Variants in GPHN observed in about 807,000 individuals in gnomAD.
The protein encoded by GPHN is gephyrin.
In GPHN, 17 loss-of-function variants were observed where a neutral mutation model predicts 95.5. The ratio of observed to expected loss-of-function variants is 0.18; its 90% confidence interval spans 0.12 to 0.27. GPHN has a LOEUF of 0.27. Ranked by LOEUF, GPHN falls within the 10% of genes least tolerant of loss-of-function variation. GPHN has a pLI of 1.00. For missense variants in GPHN, 660 were observed against 978.1 expected (o/e 0.67, Z 4.34); for synonymous variants, 320 against 322.5 (o/e 0.99, Z 0.08).
At chr14:67,191,225 CTCCG>C in the GPHN span, among the ~76,000 whole-genome samples, 1 of 152,024 alleles carries the variant, frequency 6.6e-6, no homozygotes, top group South Asian at 2.1e-4. Flanking sequence ...TGGAGCGAGA[CTCCG>C]TCTCAAAAAA....
chr14:66,534,519 T>G (rs920162439), intron 1 of GPHN, among the ~76,000 whole-genome samples: 2 of 152,178 alleles, frequency 1.3e-5, no homozygotes, highest in African/African-American at 4.8e-5. Context: ...ACATTTGAAT[T>G]GTTTCTAATT....
chr14:66,640,381 C>G (rs1345554774), intron 1 of GPHN, among the ~76,000 whole-genome samples: 1 of 152,126 alleles, frequency 6.6e-6, no homozygotes, highest in Non-Finnish European at 1.5e-5. Flanking sequence ...AAGACTGCAC[C>G]ATTGCACTCC....
At chr14:66,999,486 CTTAT>C (rs2072071048) in intron 9 of GPHN, among the ~76,000 whole-genome samples, 1 of 151,650 alleles carries the variant, frequency 6.6e-6, no homozygotes, top group Non-Finnish European at 1.5e-5. Context: ...TTATTTTTCT[CTTAT>C]TTAGTCATTT....
At chr14:66,803,955 G>T (rs2060452131) in intron 3 of GPHN, among the ~76,000 whole-genome samples, 1 of 151,122 alleles carries the variant, frequency 6.6e-6, no homozygotes. Context: ...ATTAATCATA[G>T]TTTACTTGAA....
At chr14:67,062,680 A>AT (rs1222178966) in intron 11 of GPHN, among the ~76,000 whole-genome samples, 2 of 152,088 alleles carry the variant, frequency 1.3e-5, no homozygotes, top group Non-Finnish European at 2.9e-5. Flanking sequence ...TCAAATGAGC[A>AT]TTTTTTCTTG....
chr14:66,548,626 A>G (rs1432211981), intron 1 of GPHN, among the ~76,000 whole-genome samples: 4 of 152,182 alleles, frequency 2.6e-5, no homozygotes, highest in Non-Finnish European at 5.9e-5. Context: ...TGAGATACAA[A>G]ATATTCCCTG....
the GPHN span, chr14:67,656,379 C>T: frequency 6.6e-7 from 1 of 1,526,146 alleles, no homozygotes; most frequent in South Asian, 1.3e-5. Flanking sequence ...CCCTAATTAC[C>T]CCATACTTGC....
chr14:67,697,753 G>C, the GPHN span, among the ~76,000 whole-genome samples: 1 of 152,210 alleles, frequency 6.6e-6, no homozygotes, highest in Admixed American at 6.5e-5. Context: ...ACCAAAGGTT[G>C]AGGCAGACAA....
intron 3 of GPHN, 22 bp downstream of exon 3, chr14:66,776,543 C>G (rs760026967): frequency 1.4e-6 from 2 of 1,402,424 alleles, no homozygotes; most frequent in South Asian, 1.2e-5. Context: ...CATTTTTCAC[C>G]TCTACAAACA....
At chr14:67,164,232 C>A in intron 19 of GPHN, among the ~76,000 whole-genome samples, 1 of 129,976 alleles carries the variant, frequency 7.7e-6, no homozygotes, top group Non-Finnish European at 1.5e-5. Flanking sequence ...CACACCCTTG[C>A]ACGCTAGCCT....
chr14:67,524,396 G>A, the GPHN span, among the ~76,000 whole-genome samples: 1 of 152,172 alleles, frequency 6.6e-6, no homozygotes, highest in South Asian at 2.1e-4. Flanking sequence ...CAAAGGTCAG[G>A]TCATGAGGTC....
At chr14:66,678,683 A>G (rs2066758971) in intron 1 of GPHN, among the ~76,000 whole-genome samples, 2 of 151,972 alleles carry the variant, frequency 1.3e-5, no homozygotes, top group South Asian at 4.2e-4. Context: ...AACTGTGTAT[A>G]TGGTTAGCAA....
the GPHN span, chr14:67,583,670 C>A: frequency 8.4e-7 from 1 of 1,188,038 alleles, no homozygotes; most frequent in African/African-American, 1.5e-5. Flanking sequence ...TTTATTTCAC[C>A]TCTCAACAGC....
rs529206686 is a variant in GPHN at position 66,751,751 on chromosome 14, G to C, written c.144-24713G>C. ...TTGAAGACCCTAGTATTTTCAGAATGGTCAATGAGCATTGGCTTCAACTTA... is the reference window on the plus strand; with the variant it reads ...TTGAAGACCCTAGTATTTTCAGAATCGTCAATGAGCATTGGCTTCAACTTA... On this transcript the variant is annotated intron_variant, in intron 2 of 22. Transcript: ENST00000478722. Among the ~76,000 whole-genome samples the C allele has an allele frequency of 3.3e-5, 5 of 152,160 alleles. No homozygotes were observed. In the South Asian group the frequency reaches 1.0e-3, roughly 32 times the overall value.
At chr14:66,776,961 T>C (rs1595870997) in intron 3 of GPHN, among the ~76,000 whole-genome samples, 1 of 152,232 alleles carries the variant, frequency 6.6e-6, no homozygotes, top group African/African-American at 2.4e-5. Context: ...TATGTATACA[T>C]GTGACATGCT....
At chr14:67,323,261 G>GTATATATA in the GPHN span, among the ~76,000 whole-genome samples, 1,674 of 124,120 alleles carry the variant, frequency 0.013, 33 homozygotes, top group African/African-American at 0.036. Flanking sequence ...GTGTGTGTGT[G>GTATATATA]TATATATATA....
the GPHN span, among the ~76,000 whole-genome samples, chr14:67,244,988 A>G: frequency 6.6e-6 from 1 of 152,224 alleles, no homozygotes; most frequent in South Asian, 2.1e-4. Flanking sequence ...ACAATTGGTC[A>G]GAGAAGTGCA....
At chr14:66,694,334 A>C (rs1371075805) in intron 2 of GPHN, among the ~76,000 whole-genome samples, 1 of 152,232 alleles carries the variant, frequency 6.6e-6, no homozygotes, top group Non-Finnish European at 1.5e-5. Context: ...CCAGACCTGC[A>C]GAACAGTGAG....
At chr14:66,982,752 A>G (rs1052601648) in intron 9 of GPHN, among the ~76,000 whole-genome samples, 3 of 152,212 alleles carry the variant, frequency 2.0e-5, no homozygotes, top group Non-Finnish European at 4.4e-5. Context: ...CAATTCTCAG[A>G]CTTTGTTTAT....
Sources: gnomAD v4.1 joint callset for allele counts (sites outside exome capture counted in the v4.1 genomes callset) on GRCh38, gnomAD v4.1.1 for gene constraint, MANE v1.5 for transcripts, NCBI Gene and HGNC (gene_info 2026-07-23, HGNC 2026-07-21) for gene names.